The following BABAM2 variants were observed in gnomAD, a reference collection of about 807,000 sequenced individuals.
The protein encoded by BABAM2 is BRISC and BRCA1-A complex member 2.
In BABAM2, 31 loss-of-function variants were observed where a neutral mutation model predicts 54.7. The observed-to-expected ratio is 0.57, with a 90% CI of 0.43 to 0.77. The LOEUF is 0.77. BABAM2 is among the 30% of genes least tolerant of loss of function. The pLI, the probability that BABAM2 is intolerant of heterozygous loss-of-function variation, is 0.00. For missense variants in BABAM2, 364 were observed against 455.8 expected (o/e 0.80, Z 1.83); for synonymous variants, 167 against 162.9 (o/e 1.03, Z -0.19).
chr2:28,251,596 G>A (rs1185097826), intron 10 of BABAM2, among the ~76,000 whole-genome samples: 2 of 152,172 alleles, frequency 1.3e-5, no homozygotes, highest in Non-Finnish European at 2.9e-5. Context: ...ACAGTGTTTC[G>A]TCGTAGAATA....
At chr2:28,178,492 C>T (rs1367793362) in intron 7 of BABAM2, among the ~76,000 whole-genome samples, 3 of 152,156 alleles carry the variant, frequency 2.0e-5, no homozygotes, top group Admixed American at 2.0e-4. Flanking sequence ...CTATGAGATA[C>T]AGCAAAAGCA....
chr2:28,013,665 T>TAAAA (rs55636414), intron 4 of BABAM2, among the ~76,000 whole-genome samples: 2 of 58,064 alleles, frequency 3.4e-5, no homozygotes, highest in African/African-American at 1.3e-4. Flanking sequence ...GTCCAGCAAG[T>TAAAA]AAAAAAAAAA....
chr2:28,221,245 G>A (rs947022138), intron 7 of BABAM2, among the ~76,000 whole-genome samples: 6 of 151,938 alleles, frequency 3.9e-5, no homozygotes, highest in Non-Finnish European at 8.8e-5. Context: ...GTGCTCATCC[G>A]GTGCCACATC....
At chr2:28,278,017 G>A (rs1686025843) in intron 10 of BABAM2, among the ~76,000 whole-genome samples, 1 of 152,176 alleles carries the variant, frequency 6.6e-6, no homozygotes, top group Admixed American at 6.5e-5. Context: ...GGATGTCCAA[G>A]GCAGAGAGAA....
At chr2:28,274,877 A>G (rs971859225) in intron 10 of BABAM2, among the ~76,000 whole-genome samples, 7 of 152,190 alleles carry the variant, frequency 4.6e-5, no homozygotes, top group Admixed American at 3.9e-4. Flanking sequence ...AGGAGAGGTT[A>G]TGTAACATCA....
At chr2:28,045,127 C>T (rs916282420) in intron 5 of BABAM2, among the ~76,000 whole-genome samples, 2 of 151,940 alleles carry the variant, frequency 1.3e-5, no homozygotes, top group African/African-American at 4.8e-5. Context: ...TGTTTTAAAT[C>T]GCCAAACCTC....
intron 7 of BABAM2, among the ~76,000 whole-genome samples, chr2:28,162,702 G>T (rs1673223148): frequency 6.6e-6 from 1 of 152,198 alleles, no homozygotes; most frequent in South Asian, 2.1e-4. Flanking sequence ...TAAGCATCTT[G>T]ACTGAATATG....
At chr2:28,055,659 T>C (rs1244159568) in intron 6 of BABAM2, among the ~76,000 whole-genome samples, 1 of 152,210 alleles carries the variant, frequency 6.6e-6, no homozygotes, top group African/African-American at 2.4e-5. Context: ...GGAATGTAGA[T>C]TGGGGTAACC....
At chr2:28,178,473 C>T (rs1675255947) in intron 7 of BABAM2, among the ~76,000 whole-genome samples, 2 of 151,928 alleles carry the variant, frequency 1.3e-5, no homozygotes, top group South Asian at 2.1e-4. Context: ...AAACATAGCA[C>T]ACCACAACCT....
chr2:27,937,627 CT>C (rs1668581429), intron 3 of BABAM2, among the ~76,000 whole-genome samples: 1 of 152,112 alleles, frequency 6.6e-6, no homozygotes, highest in South Asian at 2.1e-4. Context: ...TGAAAAGTGT[CT>C]CTTTAGGTCT....
intron 7 of BABAM2, among the ~76,000 whole-genome samples, chr2:28,181,066 C>G (rs1675573295): frequency 1.3e-5 from 2 of 152,236 alleles, no homozygotes; most frequent in South Asian, 4.1e-4. Context: ...TCTTGCAAAA[C>G]TGGAAATAGA....
intron 11 of BABAM2, among the ~76,000 whole-genome samples, chr2:28,318,470 CTGATCCCTGAACTAGATAA>C (rs1201212024): frequency 1.3e-5 from 2 of 152,176 alleles, no homozygotes; most frequent in Non-Finnish European, 1.5e-5. Flanking sequence ...AAAGAGTTTG[CTGATCCCTGAACTAGATAA>C]TCTCTAGGGT....
At chr2:28,300,337 C>T (rs1558512003) in intron 11 of BABAM2, among the ~76,000 whole-genome samples, 1 of 152,146 alleles carries the variant, frequency 6.6e-6, no homozygotes, top group Admixed American at 6.6e-5. Context: ...CTTTAATGTG[C>T]CTTCTTCTTT....
intron 11 of BABAM2, chr2:28,327,399 G>A (rs1032029888): frequency 1.9e-6 from 3 of 1,612,646 alleles, no homozygotes; most frequent in Non-Finnish European, 1.7e-6. Context: ...GGGCCTCCTT[G>A]GAGGGCCTCA....
At chr2:28,103,806 A>G (rs1446728239) in intron 6 of BABAM2, among the ~76,000 whole-genome samples, 3 of 152,200 alleles carry the variant, frequency 2.0e-5, no homozygotes, top group African/African-American at 7.2e-5. Flanking sequence ...GACATTAGAA[A>G]TTTGGGAGTC....
intron 6 of BABAM2, among the ~76,000 whole-genome samples, chr2:28,047,037 T>C (rs1386979768): frequency 6.6e-6 from 1 of 152,198 alleles, no homozygotes; most frequent in African/African-American, 2.4e-5. Flanking sequence ...GTCTATACAG[T>C]CCATCTAAAG....
At chr2:27,977,897 A>G (rs1428778397) in intron 3 of BABAM2, among the ~76,000 whole-genome samples, 1 of 152,200 alleles carries the variant, frequency 6.6e-6, no homozygotes, top group Non-Finnish European at 1.5e-5. Context: ...GTGATATTAC[A>G]GATAAATTAA....
intron 6 of BABAM2, among the ~76,000 whole-genome samples, chr2:28,051,922 T>A (rs909304270): frequency 6.6e-6 from 1 of 152,120 alleles, no homozygotes; most frequent in Non-Finnish European, 1.5e-5. Flanking sequence ...GGTTCTGGGA[T>A]TACAGGCATG....
At chr2:28,038,927 A>T (rs1676869340) in intron 5 of BABAM2, among the ~76,000 whole-genome samples, 1 of 152,192 alleles carries the variant, frequency 6.6e-6, no homozygotes, top group African/African-American at 2.4e-5. Context: ...ATCAAATGGT[A>T]GTTCTATTTT....
Sources: allele counts gnomAD v4.1 joint callset (sites outside exome capture counted in the v4.1 genomes callset), GRCh38; gene constraint gnomAD v4.1.1; transcripts MANE v1.5; gene names NCBI Gene and HGNC (gene_info 2026-07-23, HGNC 2026-07-21).